Variants in HECW2 observed in about 807,000 individuals in gnomAD.
HECW2 encodes the protein E3 ubiquitin-protein ligase HECW2.
In HECW2, 61 loss-of-function variants were observed where a neutral mutation model predicts 175.2. The observed-to-expected ratio is 0.35, with a 90% CI of 0.28 to 0.43. The LOEUF (loss-of-function observed/expected upper bound fraction) is 0.43. Among genes scored for constraint, HECW2 ranks in the 20% least tolerant of loss-of-function variants. The pLI is 1.00. For synonymous variants in HECW2, 671 were observed against 731.0 expected (o/e 0.92, Z 1.32); for missense variants, 1,524 against 2,000.5 (o/e 0.76, Z 4.54).
intron 1 of HECW2, chr2:196,586,864 A>G (rs1691000144): frequency 6.6e-6 from 1 of 152,190 alleles, no homozygotes; most frequent in South Asian, 2.1e-4. Context: ...TCTGCATGAC[A>G]TCGGTGGTTT....
intron 2 of HECW2, among the ~76,000 whole-genome samples, chr2:196,366,231 T>C (rs1045924436): frequency 6.6e-6 from 1 of 152,142 alleles, no homozygotes; most frequent in Non-Finnish European, 1.5e-5. Context: ...CAGAAGAAAT[T>C]TGTGTGGTAC....
intron 19 of HECW2, among the ~76,000 whole-genome samples, chr2:196,248,140 A>G (rs976723894): frequency 2.0e-5 from 3 of 152,222 alleles, no homozygotes; most frequent in Non-Finnish European, 4.4e-5. Context: ...GAGTAGTAAA[A>G]GGCCCTCGAG....
chr2:196,369,709 C>T (rs936233322), intron 2 of HECW2, among the ~76,000 whole-genome samples: 6 of 152,140 alleles, frequency 3.9e-5, no homozygotes, highest in Non-Finnish European at 8.8e-5. Flanking sequence ...TTCTATTCCA[C>T]TGCAGCTGAG....
At chr2:196,396,884 GAC>G in intron 2 of HECW2, among the ~76,000 whole-genome samples, 1 of 152,112 alleles carries the variant, frequency 6.6e-6, no homozygotes, top group Non-Finnish European at 1.5e-5. Context: ...GGCCGAGGCG[GAC>G]GGATCACGAG....
chr2:196,542,518 G>A (rs1433861289), intron 1 of HECW2, among the ~76,000 whole-genome samples: 6 of 152,006 alleles, frequency 3.9e-5, no homozygotes, highest in Non-Finnish European at 8.8e-5. Context: ...CATATTTTTA[G>A]AAAAAGTAAC....
chr2:196,334,551 A>T (rs762211962), intron 3 of HECW2, 33 bp from the exon 4 acceptor site: 1 of 1,503,360 alleles, frequency 6.7e-7, no homozygotes, highest in East Asian at 2.4e-5. Context: ...AGTAATTTAA[A>T]CAGTGAAACA....
At chr2:196,380,499 G>T (rs1694178450) in intron 2 of HECW2, among the ~76,000 whole-genome samples, 1 of 152,094 alleles carries the variant, frequency 6.6e-6, no homozygotes, top group Admixed American at 6.5e-5. Flanking sequence ...GCCCCAAGTG[G>T]TATTGCCACC....
At chr2:196,374,811 G>A (rs889436306) in intron 2 of HECW2, among the ~76,000 whole-genome samples, 7 of 151,482 alleles carry the variant, frequency 4.6e-5, no homozygotes, top group Admixed American at 3.3e-4. Context: ...CATAGACGTG[G>A]GATACATCCA....
intron 6 of HECW2, among the ~76,000 whole-genome samples, chr2:196,322,843 C>A (rs1488506783): frequency 1.3e-5 from 2 of 152,138 alleles, no homozygotes; most frequent in African/African-American, 4.8e-5. Context: ...ACAAAAGAAG[C>A]CCTCTCAGTC....
At chr2:196,392,487 T>C (rs2125185296) in intron 2 of HECW2, among the ~76,000 whole-genome samples, 1 of 147,776 alleles carries the variant, frequency 6.8e-6, no homozygotes, top group South Asian at 2.2e-4. Context: ...TAAAAAATTT[T>C]TGTTAATTAA....
intron 1 of HECW2, among the ~76,000 whole-genome samples, chr2:196,497,012 T>C (rs892285611): frequency 2.0e-5 from 3 of 152,144 alleles, no homozygotes; most frequent in Non-Finnish European, 4.4e-5. Context: ...TTAAGTGGGG[T>C]AGACAGACCC....
At chr2:196,204,803 C>T (rs1405651639) in intron 28 of HECW2, among the ~76,000 whole-genome samples, 1 of 152,202 alleles carries the variant, frequency 6.6e-6, no homozygotes, top group Non-Finnish European at 1.5e-5. Flanking sequence ...GTAGAATCAT[C>T]TATCCAGGAC....
intron 1 of HECW2, among the ~76,000 whole-genome samples, chr2:196,446,891 G>A (rs1696201760): frequency 6.6e-6 from 1 of 152,112 alleles, no homozygotes; most frequent in African/African-American, 2.4e-5. Context: ...TAAGTATGAG[G>A]TACTGTTCTT....
chr2:196,250,349 A>G (rs28605836), intron 19 of HECW2, among the ~76,000 whole-genome samples: 3,549 of 152,338 alleles, frequency 0.023, 115 homozygotes, highest in African/African-American at 0.078. Flanking sequence ...TCAAATGTGA[A>G]CAAACTACTT....
chr2:196,274,190 C>T, intron 15 of HECW2, 67 bp from the exon 16 acceptor site: 1 of 1,144,124 alleles, frequency 8.7e-7, no homozygotes, highest in East Asian at 2.4e-5. Context: ...GCATCCCAAA[C>T]CAAGTTGTTC....
rs375997058 is a variant in HECW2, at chr2:196,319,326, C to T, written c.1564G>A (p.Glu522Lys). The part of the protein sequence containing the change: ...PVENEEASTH[E>K]AASFEDKPEN... ...GGCTTATCCTCAAAGGAAGCAGCTT[C>T]GTGTGTGGAGGCTTCCTCATTCTCA... The change falls in exon 9 of 29, where the codon GAA becomes AAA. Residue 522 changes from glutamate (E) to lysine (K), a missense_variant. By Grantham distance (56) the Glu-to-Lys change is moderately conservative (BLOSUM62 1). Around this residue, in one of 11 missense-constraint regions of HECW2, gnomAD observed 604 missense variants for 588.3 expected, o/e 1.03. Transcript: ENST00000644978. 9.3e-6 allele frequency: 15 copies of T among 1,613,914 alleles called. No individual in the cohort carries two copies. In the African/African-American group the frequency reaches 9.3e-5, roughly 10 times the overall value.
intron 24 of HECW2, 53 bp from the exon 25 acceptor site, chr2:196,220,994 A>G: frequency 6.4e-7 from 1 of 1,558,682 alleles, no homozygotes. Context: ...TTAATGTTAT[A>G]ACAACATTAC....
In HECW2 at chr2:196,320,465, AT is replaced by A. The variant is rs1247613671; in HGVS notation, c.885-27del. On this transcript the variant is annotated intron_variant, in intron 7 of 28. Transcript: ENST00000644978. Reference sequence around the variant, plus strand: ...CTGCAAGAAGAGAAATGCTTCTTTCATCCTGACTACGCTGGAGTCAGCCTTC... The same window carrying A: ...CTGCAAGAAGAGAAATGCTTCTTTCACCTGACTACGCTGGAGTCAGCCTTC... 3 of 1,491,472 alleles carry A rather than the reference AT, an allele frequency of 2.0e-6. No individual in the cohort carries two copies. In the African/African-American group the frequency reaches 4.1e-5, roughly 21 times the overall value. The allele number at this position is 1,491,472 out of a possible 1,614,324, so 92.4% of individuals were successfully genotyped here.
chr2:196,399,757 G>A (rs949912235), intron 2 of HECW2, among the ~76,000 whole-genome samples: 6 of 152,182 alleles, frequency 3.9e-5, no homozygotes, highest in South Asian at 2.1e-4. Context: ...AGATAGAACC[G>A]TAGGCCTAAC....
Sources: allele counts gnomAD v4.1 joint callset (sites outside exome capture counted in the v4.1 genomes callset), GRCh38; gene constraint gnomAD v4.1.1; regional missense constraint gnomAD v4.1.1; transcripts MANE v1.5; gene names NCBI Gene and HGNC (gene_info 2026-07-23, HGNC 2026-07-21).